UNC13C: variants seen among roughly 807,000 people sequenced by gnomAD.
UNC13C encodes the protein unc-13 homolog C.
In UNC13C, 174 loss-of-function variants were observed where a neutral mutation model predicts 245.4. That is an observed-to-expected ratio of 0.71 (90% CI 0.63 to 0.80). The LOEUF is 0.80. UNC13C is among the 30% of genes least tolerant of loss of function. UNC13C has a pLI of 0.00. For missense variants in UNC13C, 2,829 were observed against 2,602.9 expected (o/e 1.09, Z -1.89); for synonymous variants, 992 against 895.1 (o/e 1.11, Z -1.93).
At chr15:53,894,805 A>G in the UNC13C span, among the ~76,000 whole-genome samples, 1 of 152,146 alleles carries the variant, frequency 6.6e-6, no homozygotes, top group South Asian at 2.1e-4. Context: ...AACTTTTATT[A>G]TAGCAAACTT....
chr15:54,612,811 T>C (rs1244708463), intron 30 of UNC13C, among the ~76,000 whole-genome samples: 1 of 152,010 alleles, frequency 6.6e-6, no homozygotes, highest in Non-Finnish European at 1.5e-5. Context: ...TATCACACCT[T>C]ATTAGACTTT....
Position 54,338,478 on chromosome 15 carries a change from C to T in UNC13C, c.4702C>T (p.Leu1568=). Residue 1568 remains leucine, a synonymous_variant, in exon 17 of 33, where the codon CTA becomes TTA. Coordinates refer to ENST00000260323, the MANE Select transcript of UNC13C (RefSeq NM_001080534.3). ...FDNCHELYSQ[L]TDPSKKQDIP... The stretch of plus-strand genomic sequence containing the variant: ...CAACTGCCATGAACTCTACTCCCAG[C>T]TAACAGACCCGGTAAGAAAATATGT... 1.9e-6 allele frequency: 3 copies of T among 1,612,898 alleles called. No homozygotes were observed. The highest frequency in any genetic ancestry group is 2.5e-6 in the Non-Finnish European group (3 of 1,179,128).
intron 17 of UNC13C, among the ~76,000 whole-genome samples, chr15:54,363,543 T>C (rs2039285826): frequency 6.6e-6 from 1 of 152,234 alleles, no homozygotes; most frequent in African/African-American, 2.4e-5. Context: ...AGATGTTTTG[T>C]AAACCAAGTT....
chr15:54,359,305 G>C (rs1275656386), intron 17 of UNC13C, among the ~76,000 whole-genome samples: 1 of 151,798 alleles, frequency 6.6e-6, no homozygotes, highest in East Asian at 1.9e-4. Flanking sequence ...TCATTGTCCG[G>C]TTTTGATATC....
At chr15:54,422,989 A>G (rs1173176115) in intron 19 of UNC13C, among the ~76,000 whole-genome samples, 8 of 149,374 alleles carry the variant, frequency 5.4e-5, no homozygotes, top group Admixed American at 4.7e-4. Flanking sequence ...ACACAACGAA[A>G]AAAAAACTTC....
chr15:54,324,182 C>T lies in UNC13C; in HGVS notation c.4425+2087C>T, dbSNP rs190189492. 6.2e-4 allele frequency among the ~76,000 whole-genome samples: 94 copies of T among 152,080 alleles called. 1 individual carries two copies. Among genetic ancestry groups the T allele is most frequent in the Admixed American group, 4.3e-3 (66 of 15,264 alleles). ...ATTTTTCTAGCTATCAAAAATAATG[C>T]CATTTGATGAGTCAAATATACCTAA... On this transcript the variant is annotated intron_variant, in intron 14 of 32. Transcript: ENST00000260323.
At chr15:54,603,951 C>A (rs977076920) in intron 30 of UNC13C, among the ~76,000 whole-genome samples, 1 of 152,144 alleles carries the variant, frequency 6.6e-6, no homozygotes, top group African/African-American at 2.4e-5. Flanking sequence ...CTGAGTGCAG[C>A]CTTCCCACTC....
intron 2 of UNC13C, among the ~76,000 whole-genome samples, chr15:54,139,739 A>G (rs905197859): frequency 2.4e-4 from 36 of 152,136 alleles, no homozygotes; most frequent in Admixed American, 2.3e-3. Context: ...TAATTTGTCA[A>G]TTATCTAGTA....
chr15:53,916,415 C>T, the UNC13C span, among the ~76,000 whole-genome samples: 1 of 152,078 alleles, frequency 6.6e-6, no homozygotes, highest in Non-Finnish European at 1.5e-5. Context: ...ATGAAGCTTC[C>T]TTGTGCATTT....
At chr15:54,349,957 A>T (rs771028428) in intron 17 of UNC13C, among the ~76,000 whole-genome samples, 4 of 152,224 alleles carry the variant, frequency 2.6e-5, no homozygotes, top group Non-Finnish European at 4.4e-5. Context: ...ACAAGGGAAG[A>T]AACATAATGT....
At chr15:53,854,072 G>T in the UNC13C span, among the ~76,000 whole-genome samples, 84 of 150,108 alleles carry the variant, frequency 5.6e-4, no homozygotes, top group African/African-American at 2.0e-3. Context: ...CTTTGCCTGC[G>T]CCTATTTCCT....
At chr15:53,855,954 G>A in the UNC13C span, among the ~76,000 whole-genome samples, 2 of 152,232 alleles carry the variant, frequency 1.3e-5, no homozygotes, top group East Asian at 3.9e-4. Context: ...ATTTGTTACT[G>A]CCTCAATTTC....
intron 7 of UNC13C, among the ~76,000 whole-genome samples, chr15:54,239,251 C>T (rs1019563949): frequency 6.6e-6 from 1 of 152,046 alleles, no homozygotes; most frequent in Non-Finnish European, 1.5e-5. Flanking sequence ...CTGTCATTGT[C>T]ATCTTTCATC....
At chr15:54,018,600 T>C (rs1328780373) in intron 2 of UNC13C, among the ~76,000 whole-genome samples, 1 of 152,188 alleles carries the variant, frequency 6.6e-6, no homozygotes, top group African/African-American at 2.4e-5. Flanking sequence ...TGGCCCCTGC[T>C]GAGTTGGCAC....
At chr15:53,839,474 GA>G in the UNC13C span, among the ~76,000 whole-genome samples, 1 of 152,008 alleles carries the variant, frequency 6.6e-6, no homozygotes, top group South Asian at 2.1e-4. Flanking sequence ...CTCTTTACAA[GA>G]ATGCTTTTGG....
chr15:54,575,480 G>A (rs1025104532), intron 30 of UNC13C, among the ~76,000 whole-genome samples: 2 of 151,466 alleles, frequency 1.3e-5, no homozygotes, highest in African/African-American at 4.9e-5. Flanking sequence ...TTCTGAAATG[G>A]TTCACTGTGG....
At chr15:54,296,931 C>T (rs970613140) in intron 11 of UNC13C, among the ~76,000 whole-genome samples, 6 of 152,186 alleles carry the variant, frequency 3.9e-5, no homozygotes, top group African/African-American at 1.4e-4. Context: ...AACACGTACG[C>T]ACGCACATTT....
chr15:54,060,501 C>T (rs1248764286), intron 2 of UNC13C, among the ~76,000 whole-genome samples: 3 of 152,200 alleles, frequency 2.0e-5, no homozygotes, highest in Non-Finnish European at 4.4e-5. Flanking sequence ...GAAATAAGAA[C>T]ACTTTTGCAC....
chr15:54,464,180 G>A (rs1892043783), intron 19 of UNC13C, among the ~76,000 whole-genome samples: 1 of 151,980 alleles, frequency 6.6e-6, no homozygotes, highest in Admixed American at 6.6e-5. Flanking sequence ...AATATCCTAG[G>A]TGAAAAACAA....
Sources: allele counts gnomAD v4.1 joint callset (sites outside exome capture counted in the v4.1 genomes callset), GRCh38; gene constraint gnomAD v4.1.1; transcripts MANE v1.5; gene names NCBI Gene and HGNC (gene_info 2026-07-23, HGNC 2026-07-21).